The following STK32B variants were observed in gnomAD, a reference collection of about 807,000 sequenced individuals.
The protein encoded by STK32B is serine/threonine kinase 32B.
In STK32B, 43 loss-of-function variants were observed where a neutral mutation model predicts 52.6. The observed-to-expected ratio is 0.82, with a 90% confidence interval of 0.64 to 1.05. The LOEUF is 1.05. Among genes scored for constraint, STK32B ranks in the 50% least tolerant of loss-of-function variants. The probability of loss-of-function intolerance (pLI) is 0.00; values close to 1 mark genes in which losing one functional copy is unlikely to be tolerated. For synonymous variants in STK32B, 238 were observed against 204.3 expected (o/e 1.17, Z -1.41); for missense variants, 621 against 534.6 (o/e 1.16, Z -1.59).
intron 3 of STK32B, among the ~76,000 whole-genome samples, chr4:5,195,979 A>G (rs564461871): frequency 6.6e-6 from 1 of 152,244 alleles, no homozygotes; most frequent in Non-Finnish European, 1.5e-5. Context: ...ACATGGCATC[A>G]TTAAATTCTA....
the STK32B span, among the ~76,000 whole-genome samples, chr4:5,030,541 T>G: frequency 6.6e-6 from 1 of 152,260 alleles, no homozygotes; most frequent in Non-Finnish European, 1.5e-5. Flanking sequence ...GGGTGTCTGG[T>G]GCTTGGGGCA....
intron 4 of STK32B, among the ~76,000 whole-genome samples, chr4:5,377,721 T>C (rs1735673426): frequency 6.6e-6 from 1 of 152,168 alleles, no homozygotes; most frequent in African/African-American, 2.4e-5. Flanking sequence ...TGGGATCTGA[T>C]GGTTTTATAA....
At chr4:5,474,149 C>T (rs1160052750) in intron 11 of STK32B, among the ~76,000 whole-genome samples, 1 of 152,120 alleles carries the variant, frequency 6.6e-6, no homozygotes, top group African/African-American at 2.4e-5. Flanking sequence ...TGGCTGACTT[C>T]ATCTGCTTAG....
intron 1 of STK32B, among the ~76,000 whole-genome samples, chr4:5,118,076 G>A (rs1467158989): frequency 6.6e-6 from 1 of 152,178 alleles, no homozygotes; most frequent in African/African-American, 2.4e-5. Context: ...TGTAAAATGA[G>A]TTTGGAAGGG....
intron 4 of STK32B, among the ~76,000 whole-genome samples, chr4:5,384,987 C>T (rs1736152203): frequency 6.6e-6 from 1 of 152,100 alleles, no homozygotes; most frequent in Non-Finnish European, 1.5e-5. Context: ...ATTGCTGGAA[C>T]TGTGTTGCAG....
chr4:5,049,941 A>T (rs1056445085), upstream of STK32B, among the ~76,000 whole-genome samples: 2 of 152,188 alleles, frequency 1.3e-5, no homozygotes, highest in Non-Finnish European at 2.9e-5. Context: ...AAGTTCTCTT[A>T]TTAGCACCTT....
At chr4:5,181,134 C>G (rs191312962) in intron 3 of STK32B, among the ~76,000 whole-genome samples, 3 of 152,274 alleles carry the variant, frequency 2.0e-5, no homozygotes, top group Non-Finnish European at 4.4e-5. Flanking sequence ...CTGCCTCTAG[C>G]TGGCTATGAT....
chr4:5,116,065 A>T (rs1366686505), intron 1 of STK32B, among the ~76,000 whole-genome samples: 1 of 152,004 alleles, frequency 6.6e-6, no homozygotes, highest in African/African-American at 2.4e-5. Flanking sequence ...AGACCCTCAG[A>T]CTAGAGAGGG....
intron 3 of STK32B, among the ~76,000 whole-genome samples, chr4:5,301,571 A>G (rs1729556110): frequency 1.3e-5 from 2 of 150,778 alleles, no homozygotes; most frequent in African/African-American, 4.8e-5. Context: ...AAAATTTCTT[A>G]TACTGTTCTT....
chr4:5,481,458 G>T (rs1192844097), intron 11 of STK32B, among the ~76,000 whole-genome samples: 1 of 151,700 alleles, frequency 6.6e-6, no homozygotes, highest in Non-Finnish European at 1.5e-5. Context: ...AAATTTGTTT[G>T]AGTTCATTGT....
chr4:5,444,929 T>G (rs1032502027), intron 6 of STK32B, among the ~76,000 whole-genome samples: 4 of 152,206 alleles, frequency 2.6e-5, no homozygotes, highest in African/African-American at 7.2e-5. Context: ...CTAAGGGACA[T>G]GTTCTCAAAT....
At chr4:5,461,798 C>T (rs1416077631) in intron 9 of STK32B, among the ~76,000 whole-genome samples, 1 of 152,236 alleles carries the variant, frequency 6.6e-6, no homozygotes, top group Non-Finnish European at 1.5e-5. Context: ...TTCCCACTGC[C>T]TGGACCTCCT....
intron 3 of STK32B, among the ~76,000 whole-genome samples, chr4:5,304,775 G>A (rs61340259): frequency 6.6e-6 from 1 of 151,876 alleles, no homozygotes; most frequent in Admixed American, 6.6e-5. Flanking sequence ...ATCGGGGAGG[G>A]GGGGTGCTTT....
Position 5,168,285 on chromosome 4 carries a change from T to C in STK32B, c.109-14T>C, listed in dbSNP as rs1379062698. ...TTGTTGGCCTGACTGTTCTCTCCTT[T>C]GGCTGTCGCTCAGGTATGCATCGTG... On this transcript the variant is annotated splice_polypyrimidine_tract_variant and intron_variant, in intron 2 of 11. Transcript: ENST00000282908. The C allele has an allele frequency of 2.5e-6, 4 of 1,605,000 alleles. No individual in the cohort carries two copies. Among genetic ancestry groups the C allele is most frequent in the Non-Finnish European group, 3.4e-6 (4 of 1,172,814 alleles).
At chr4:5,419,504 C>A (rs1458986696) in intron 6 of STK32B, among the ~76,000 whole-genome samples, 3 of 152,208 alleles carry the variant, frequency 2.0e-5, no homozygotes, top group African/African-American at 7.2e-5. Context: ...TGATACTAGA[C>A]TGTACAAACT....
At chr4:5,496,408 C>A (rs1051450348) in intron 11 of STK32B, among the ~76,000 whole-genome samples, 1 of 152,176 alleles carries the variant, frequency 6.6e-6, no homozygotes, top group Non-Finnish European at 1.5e-5. Context: ...CCTGGTGCAC[C>A]GTTTTTTAAG....
At position 5,316,254 on chromosome 4, in the gene STK32B, A is replaced by ATT. The variant is rs1560310131; in HGVS notation, c.261-14966_261-14965insTT. Among the ~76,000 whole-genome samples the ATT allele has an allele frequency of 7.8e-3, 444 of 56,850 alleles. 97 individuals are homozygous for ATT. Among genetic ancestry groups the ATT allele is most frequent in the African/African-American group, 0.054 (279 of 5,156 alleles). 37.3% of individuals were successfully genotyped at this position (56,850 alleles called of 152,430 possible). On this transcript the variant is annotated intron_variant, in intron 3 of 11. Transcript: ENST00000282908. ...ATACAATATTATATATTGTATATAT[A>ATT]ATATATTATATAGTATATATAATAT...
chr4:5,225,191 G>A (rs1408482714), intron 3 of STK32B, among the ~76,000 whole-genome samples: 1 of 152,112 alleles, frequency 6.6e-6, no homozygotes, highest in African/African-American at 2.4e-5. Context: ...GGCCAAGACA[G>A]GTGGATCACT....
At chr4:5,443,082 C>G (rs1015337296) in intron 6 of STK32B, among the ~76,000 whole-genome samples, 1 of 150,764 alleles carries the variant, frequency 6.6e-6, no homozygotes, top group East Asian at 2.0e-4. Context: ...AATTATGTGT[C>G]TTGGAGTTGC....
Sources: allele counts gnomAD v4.1 joint callset (sites outside exome capture counted in the v4.1 genomes callset), GRCh38; gene constraint gnomAD v4.1.1; transcripts MANE v1.5; gene names NCBI Gene and HGNC (gene_info 2026-07-23, HGNC 2026-07-21).